SLC35D2: variants seen among roughly 807,000 people sequenced by gnomAD.
SLC35D2 encodes solute carrier family 35 member D2.
In SLC35D2, 43 loss-of-function variants were observed where a neutral mutation model predicts 41.8. That is an observed-to-expected ratio of 1.03 (90% CI 0.81 to 1.33). The LOEUF (loss-of-function observed/expected upper bound fraction) is 1.33. SLC35D2 is among the 40% of genes most tolerant of loss of function. SLC35D2 has a pLI of 0.00. For missense variants in SLC35D2, 380 were observed against 408.4 expected, an observed-to-expected ratio of 0.93 and a Z score of 0.60; for synonymous variants, 150 against 163.9, an observed-to-expected ratio of 0.92 and a Z score of 0.65.
At chr9:96,350,984 T>C in intron 6 of SLC35D2, 119 bp downstream of exon 6, 1 of 747,732 alleles carries the variant, frequency 1.3e-6, no homozygotes, top group East Asian at 2.5e-5. Context: ...TCAACAGATT[T>C]GTCTCTTGCC....
intron 11 of SLC35D2, 36 bp downstream of exon 11, chr9:96,321,962 C>A (rs906810672): frequency 8.1e-7 from 1 of 1,228,366 alleles, no homozygotes; most frequent in Non-Finnish European, 1.2e-6. Context: ...AGGTTCTTGT[C>A]TTCCCAAAGC....
intron 10 of SLC35D2, among the ~76,000 whole-genome samples, chr9:96,322,565 A>G (rs4543665): frequency 0.15 from 22,284 of 152,028 alleles, 1,943 homozygotes; most frequent in East Asian, 0.29. Context: ...TACTAAATAA[A>G]TGCAGTAAAT....
At chr9:96,371,400 G>C (rs1245425048) in intron 1 of SLC35D2, among the ~76,000 whole-genome samples, 7 of 142,204 alleles carry the variant, frequency 4.9e-5, no homozygotes, top group African/African-American at 1.8e-4. Flanking sequence ...GTACCTGGGA[G>C]GCAGAGGTTG....
chr9:96,347,950 GA>G (rs537867437), intron 6 of SLC35D2, among the ~76,000 whole-genome samples: 108 of 152,312 alleles, frequency 7.1e-4, no homozygotes, highest in Non-Finnish European at 1.4e-3. Context: ...TCTAAAAGGG[GA>G]GACATGAATA....
At chr9:96,370,342 C>T (rs1034786042) in intron 1 of SLC35D2, among the ~76,000 whole-genome samples, 1 of 152,092 alleles carries the variant, frequency 6.6e-6, no homozygotes, top group Non-Finnish European at 1.5e-5. Flanking sequence ...ACAATATAAA[C>T]AAACAGTAAA....
intron 4 of SLC35D2, among the ~76,000 whole-genome samples, chr9:96,352,993 G>A (rs999992888): frequency 5.9e-5 from 9 of 151,914 alleles, no homozygotes; most frequent in African/African-American, 7.3e-5. Context: ...AGCCAGGATC[G>A]CACCACTGCA....
chr9:96,383,458 GC>G lies in SLC35D2; in HGVS notation c.158+18del. 1.3e-6 allele frequency: 2 copies of G among 1,516,656 alleles called. No homozygotes were observed. The highest frequency in any genetic ancestry group is 1.8e-6 in the Non-Finnish European group (2 of 1,129,110). 93.9% of individuals were successfully genotyped at this position (1,516,656 alleles called of 1,614,324 possible). On this transcript the variant is annotated intron_variant, in intron 1 of 11. Transcript: ENST00000253270. ...GCCCCGCACTCCCGCAGACCCCCCG[GC>G]CCCGGGCCCCGCCTCACCCGTAGGT... is the stretch of plus-strand genomic sequence containing the variant.
chr9:96,329,044 C>T (rs1356040870), intron 9 of SLC35D2, among the ~76,000 whole-genome samples: 1 of 148,570 alleles, frequency 6.7e-6, no homozygotes, highest in Non-Finnish European at 1.5e-5. Flanking sequence ...GATGAAATCG[C>T]GTCACTGCAT....
At position 96,320,999 on chromosome 9, in the gene SLC35D2, G is replaced by C; in HGVS notation, c.*243C>G. The C allele has an allele frequency of 2.6e-6, 1 of 390,814 alleles. No individual in the cohort carries two copies. The highest frequency in any genetic ancestry group is 4.7e-6 in the Non-Finnish European group (1 of 215,012). 24.2% of individuals were successfully genotyped at this position (390,814 alleles called of 1,614,324 possible). On this transcript the variant is annotated 3_prime_UTR_variant, in exon 12 of 12. Coordinates refer to ENST00000253270, the MANE Select transcript of SLC35D2 (RefSeq NM_007001.3). ...AAGAGCAGCTGGGGCTCCACCTACC[G>C]AGTCCCAGTGGCTTATTTTGAAAAG...
rs762959686 is a variant in SLC35D2, at chr9:96,321,222, C to T, written c.*20G>A. 6 of 1,579,532 alleles carry T rather than the reference C, an allele frequency of 3.8e-6. No individual in the cohort carries two copies. The Admixed American group carries it at 6.7e-5, about 18-fold the overall frequency. On this transcript the variant is annotated 3_prime_UTR_variant, in exon 12 of 12. Transcript: ENST00000253270. Reference sequence around the variant, plus strand: ...CCAGCCCGCAGTCACAAGTCAGTCTCCAATCCTGCTGCAGACTCTTTAGCT... The same window carrying T: ...CCAGCCCGCAGTCACAAGTCAGTCTTCAATCCTGCTGCAGACTCTTTAGCT...
chr9:96,317,606 A>G (rs575171500), downstream of SLC35D2, among the ~76,000 whole-genome samples: 37 of 152,364 alleles, frequency 2.4e-4, 1 homozygote, highest in African/African-American at 8.9e-4. Context: ...AATTCCAAGA[A>G]TAAAAATTAA....
chr9:96,382,739 GT>G (rs1428892883), intron 1 of SLC35D2, among the ~76,000 whole-genome samples: 24 of 152,270 alleles, frequency 1.6e-4, no homozygotes, highest in African/African-American at 5.5e-4. Context: ...ACATAGTAGA[GT>G]TTACAAAGAG....
intron 4 of SLC35D2, among the ~76,000 whole-genome samples, chr9:96,353,813 C>A (rs2130944268): frequency 6.6e-6 from 1 of 152,342 alleles, no homozygotes; most frequent in South Asian, 2.1e-4. Context: ...AGTCAACAGA[C>A]TGCCAGGGCT....
chr9:96,351,670 T>C (rs967134582), intron 5 of SLC35D2, among the ~76,000 whole-genome samples: 2 of 152,172 alleles, frequency 1.3e-5, no homozygotes, highest in African/African-American at 4.8e-5. Context: ...TGCGTCAGAA[T>C]TGATATCCCT....
chr9:96,348,573 A>G (rs1829677130), intron 6 of SLC35D2, among the ~76,000 whole-genome samples: 1 of 152,166 alleles, frequency 6.6e-6, no homozygotes, highest in Non-Finnish European at 1.5e-5. Context: ...TGGATGTGCT[A>G]ATGTAAGAGG....
chr9:96,316,057 C>A (rs1828045565), downstream of SLC35D2, among the ~76,000 whole-genome samples: 1 of 152,174 alleles, frequency 6.6e-6, no homozygotes, highest in Admixed American at 6.5e-5. Flanking sequence ...ACAGCTAATA[C>A]TACTGTGGTT....
intron 8 of SLC35D2, 113 bp downstream of exon 8, chr9:96,343,791 C>G (rs1365242418): frequency 9.6e-6 from 6 of 621,994 alleles, no homozygotes; most frequent in Non-Finnish European, 1.6e-5. Context: ...ATCATGTACC[C>G]TCCTGGTAGT....
At chr9:96,374,101 T>C (rs907549148) in intron 1 of SLC35D2, 11 of 152,168 alleles carry the variant, frequency 7.2e-5, no homozygotes, top group Admixed American at 6.5e-4. Context: ...AATAAAAAGT[T>C]TGGGAGAGGA....
At chr9:96,339,999 A>T (rs1829243154) in intron 8 of SLC35D2, among the ~76,000 whole-genome samples, 1 of 152,210 alleles carries the variant, frequency 6.6e-6, no homozygotes, top group Non-Finnish European at 1.5e-5. Flanking sequence ...AGAAGTTAAC[A>T]TTTTGCTCTA....
Sources: allele counts gnomAD v4.1 joint callset (sites outside exome capture counted in the v4.1 genomes callset), GRCh38; gene constraint gnomAD v4.1.1; transcripts MANE v1.5; gene names NCBI Gene and HGNC (gene_info 2026-07-23, HGNC 2026-07-21).